MUC4: variants seen among roughly 807,000 people sequenced by gnomAD.
MUC4 encodes the protein mucin 4, cell surface associated.
A neutral mutation model predicts 257.9 loss-of-function variants in MUC4; 202 were observed. The ratio of observed to expected loss-of-function variants is 0.78; its 90% CI spans 0.70 to 0.88. MUC4 has a LOEUF of 0.88. Ranked by LOEUF, MUC4 falls within the 40% of genes least tolerant of loss-of-function variation. MUC4 has a pLI of 0.00. For synonymous variants in MUC4, 2,351 were observed against 2,757.1 expected (o/e 0.85, Z 4.62); for missense variants, 5,976 against 6,513.7 (o/e 0.92, Z 2.84).
Position 195,774,267 on chromosome 3 carries a change from G to C in MUC4, c.12982C>G (p.Leu4328Val). Residue 4328 changes from leucine (L) to valine (V), a missense_variant, in exon 4 of 25, where the codon CTG (leucine) becomes GTG (valine). Leu to Val is a conservative substitution (Grantham distance 32). Coordinates refer to ENST00000463781, the MANE Select transcript of MUC4 (RefSeq NM_018406.7). ...LFPYGAGAGD[L>V]EFVRRTVDFT... ...TCCACGGTCCTCCTGACGAACTCCAGGTCCCCGGCGCCTGCCCCATAGGGG... is the reference window on the plus strand; with the variant it reads ...TCCACGGTCCTCCTGACGAACTCCACGTCCCCGGCGCCTGCCCCATAGGGG... The C allele has an allele frequency of 6.3e-7, 1 of 1,594,036 alleles. No homozygotes were observed. The highest frequency in any genetic ancestry group is 8.5e-7 in the Non-Finnish European group (1 of 1,171,502).
At chr3:195,796,126 C>T (rs1734552050) in intron 1 of MUC4, among the ~76,000 whole-genome samples, 1 of 151,560 alleles carries the variant, frequency 6.6e-6, no homozygotes, top group African/African-American at 2.4e-5. Flanking sequence ...GCTTTGTTGC[C>T]CAGGCTGGAG....
At chr3:195,796,975 G>A (rs914995433) in intron 1 of MUC4, among the ~76,000 whole-genome samples, 1 of 152,216 alleles carries the variant, frequency 6.6e-6, no homozygotes, top group African/African-American at 2.4e-5. Context: ...GGGCGCGGCG[G>A]CTCACGCCTG....
rs373681347 is a variant in MUC4, at chr3:195,779,965, G to C, written c.11615C>G (p.Pro3872Arg). The C allele has an allele frequency of 8.3e-5, 120 of 1,443,172 alleles. 12 individuals carry two copies. The highest frequency in any genetic ancestry group is 5.1e-5 in the South Asian group (4 of 79,136). 89.4% of individuals were successfully genotyped at this position (1,443,172 alleles called of 1,614,324 possible). Reference protein sequence around the residue: ...PSSASTGHATPLPVTGLSSAS... With the variant: ...PSSASTGHATRLPVTGLSSAS... Reference sequence around the variant, plus strand: ...TGAGGAAAGGCCGGTAACAGGAAGAGGGGTGGCGTGACCTGTGGATGCTGA... The same window carrying C: ...TGAGGAAAGGCCGGTAACAGGAAGACGGGTGGCGTGACCTGTGGATGCTGA... The change falls in exon 2 of 25, where the codon CCT becomes CGT. Residue 3872 changes from proline (P) to arginine (R), a missense_variant. Coordinates refer to ENST00000463781, the MANE Select transcript of MUC4 (RefSeq NM_018406.7).
At chr3:195,772,443 T>A (rs1320667626) in intron 4 of MUC4, among the ~76,000 whole-genome samples, 7 of 134,340 alleles carry the variant, frequency 5.2e-5, no homozygotes, top group African/African-American at 1.7e-4. Flanking sequence ...CCTCCCTCCA[T>A]CGCTCAGGGG....
chr3:195,750,674 G>T (rs1716212943), intron 23 of MUC4: 2 of 587,834 alleles, frequency 3.4e-6, no homozygotes, highest in African/African-American at 1.9e-5. Flanking sequence ...CTGGCTGGGT[G>T]CTTGCTCCGT....
rs776839221 is a variant in MUC4 at position 195,782,248 on chromosome 3, G to T, written c.9332C>A (p.Ser3111Tyr). 3 of 1,529,308 alleles carry T rather than the reference G, an allele frequency of 2.0e-6. No homozygotes were observed. Among genetic ancestry groups the T allele is most frequent in the Non-Finnish European group, 2.6e-6 (3 of 1,135,742 alleles). The allele number at this position is 1,529,308 out of a possible 1,614,324, so 94.7% of individuals were successfully genotyped here. A position where few individuals can be genotyped will look rare whatever the true frequency, so the allele number is the denominator to read the frequency against. Reference protein sequence around the residue: ...DTTPLPVTSPSSASTGHTTPL... With the variant: ...DTTPLPVTSPYSASTGHTTPL... ...GGTGGTGTGACCTGTGGATGCTGAGGAAGGGCTAGTGACAGGAAGAGGCGT... is the reference window on the plus strand; with the variant it reads ...GGTGGTGTGACCTGTGGATGCTGAGTAAGGGCTAGTGACAGGAAGAGGCGT... The change falls in exon 2 of 25, where the codon TCC (serine) becomes TAC (tyrosine). Residue 3111 changes from serine to tyrosine, a missense_variant. Transcript: ENST00000463781.
chr3:195,758,593 T>A (rs1410416189), intron 17 of MUC4, among the ~76,000 whole-genome samples: 2 of 150,778 alleles, frequency 1.3e-5, no homozygotes. Context: ...AGACAGAGTC[T>A]CGCTCTGTCA....
chr3:195,766,197 G>C (rs1421503716), intron 8 of MUC4, among the ~76,000 whole-genome samples: 2 of 152,148 alleles, frequency 1.3e-5, no homozygotes, highest in Non-Finnish European at 2.9e-5. Context: ...CTGATCTCAA[G>C]TGATCCGCCC....
At chr3:195,763,407 G>A (rs1363829218) in intron 12 of MUC4, 26 bp downstream of exon 12, 1 of 1,403,638 alleles carries the variant, frequency 7.1e-7, no homozygotes, top group Non-Finnish European at 9.3e-7. Context: ...TGGAATGCAG[G>A]GAGGTTCCCG....
Position 195,810,519 on chromosome 3 carries a change from C to A in MUC4, c.82+1217G>T, listed in dbSNP as rs1259445851. ...AACATCTCCCACAGGCCTGGCATCCCTCCCCTCCCAGCTCTGTACACGGAG... is the reference window on the plus strand; with the variant it reads ...AACATCTCCCACAGGCCTGGCATCCATCCCCTCCCAGCTCTGTACACGGAG... On this transcript the variant is annotated intron_variant, in intron 1 of 24. Transcript: ENST00000463781. This position sits in a 1 kb window ranked among gnomAD's most constrained non-coding sequence, Gnocchi z 4.2. Among the ~76,000 whole-genome samples the A allele has an allele frequency of 6.6e-6, 1 of 152,232 alleles. No homozygotes were observed. The highest frequency in any genetic ancestry group is 2.4e-5 in the African/African-American group (1 of 41,472).
In MUC4 at chr3:195,787,069, G is replaced by A. The variant is rs758329829; in HGVS notation, c.4511C>T (p.Pro1504Leu). ...TGAGGAAGGGCTGGTGACATGAAGA[G>A]GAGTGACGTGACCTGTGGATGCTGA... ...TSSASTGHVT[P>L]LHVTSPSSAS... The change falls in exon 2 of 25, where the codon CCT becomes CTT. Residue 1504 changes from proline to leucine, a missense_variant. By Grantham distance (98) the Pro-to-Leu change is moderately conservative (BLOSUM62 -3). This residue lies in a region of MUC4 where 19 missense variants were observed against 83.2 expected (regional missense o/e 0.23). Transcript: ENST00000463781. 29 of 1,383,738 alleles carry A rather than the reference G, an allele frequency of 2.1e-5. No homozygotes were observed. The South Asian group carries it at 2.3e-4, about 11-fold the overall frequency. The allele number at this position is 1,383,738 out of a possible 1,614,324, so 85.7% of individuals were successfully genotyped here. A position where few individuals can be genotyped will look rare whatever the true frequency, so the allele number is the denominator to read the frequency against.
At chr3:195,799,239 G>GTGTGTGTGTGTGTGTGTGTGACAC (rs1734979969) in intron 1 of MUC4, among the ~76,000 whole-genome samples, 8 of 94,728 alleles carry the variant, frequency 8.4e-5, no homozygotes, top group African/African-American at 2.4e-4. Flanking sequence ...CTGTGTGTGT[G>GTGTGTGTGTGTGTGTGTGTGACAC]TGTGTGTGTG....
intron 4 of MUC4, among the ~76,000 whole-genome samples, chr3:195,772,027 C>G (rs1203044927): frequency 6.6e-6 from 1 of 152,202 alleles, no homozygotes; most frequent in East Asian, 1.9e-4. Context: ...TCCCTTGCGT[C>G]CTCGGGTGGT....
At position 195,762,118 on chromosome 3, in the gene MUC4, G is replaced by T. The variant is rs746714955; in HGVS notation, c.14481C>A (p.Pro4827=). The change falls in exon 14 of 25, where the codon CCC becomes CCA. Residue 4827 remains proline, a synonymous_variant. Transcript: ENST00000463781. ...NILHASASLP[P]EYQNRTEGLL... is the part of the protein sequence containing the mutation. Reference sequence around the variant, plus strand: ...GCCCCTCCGTGCGGTTCTGGTACTCGGGCGGGAGGCTGGCGGAGGCGTGGA... The same window carrying T: ...GCCCCTCCGTGCGGTTCTGGTACTCTGGCGGGAGGCTGGCGGAGGCGTGGA... The T allele has an allele frequency of 1.2e-6, 2 of 1,607,148 alleles. No homozygotes were observed. Among genetic ancestry groups the T allele is most frequent in the East Asian group, 2.2e-5 (1 of 44,768 alleles).
Position 195,789,476 on chromosome 3 carries a change from C to T in MUC4, c.2104G>A (p.Asp702Asn), listed in dbSNP as rs1261334395. 8 of 1,613,848 alleles carry T rather than the reference C, an allele frequency of 5.0e-6. No homozygotes were observed. Among genetic ancestry groups the T allele is most frequent in the Non-Finnish European group, 5.9e-6 (7 of 1,179,896 alleles). ...GTCGGGGCCTGGGTTGTGTGACCATCCCCGGTGGGAGCTGGGGCAAAGGTT... is the reference window on the plus strand; with the variant it reads ...GTCGGGGCCTGGGTTGTGTGACCATTCCCGGTGGGAGCTGGGGCAAAGGTT... ...ATTFAPAPTG[D>N]GHTTQAPTTA... Residue 702 changes from aspartate to asparagine, a missense_variant, in exon 2 of 25, where the codon GAT becomes AAT. Physicochemically the swap from Asp to Asn is conservative, Grantham distance 23 (BLOSUM62 1). Around this residue, in one of 44 missense-constraint regions of MUC4, gnomAD observed 1,583 missense variants for 1,257.4 expected, o/e 1.26. Transcript: ENST00000463781.
intron 1 of MUC4, among the ~76,000 whole-genome samples, chr3:195,799,163 G>A (rs1461993112): frequency 2.6e-5 from 4 of 151,746 alleles, no homozygotes; most frequent in Non-Finnish European, 5.9e-5. Context: ...CTCCCTGCTC[G>A]CAATTTCTCC....
At chr3:195,764,669 A>G (rs1417785989) in intron 10 of MUC4, among the ~76,000 whole-genome samples, 1 of 151,676 alleles carries the variant, frequency 6.6e-6, no homozygotes, top group Non-Finnish European at 1.5e-5. Context: ...TCTCTGTGGG[A>G]GCTGACTCTC....
intron 19 of MUC4, 166 bp from the exon 20 acceptor site, chr3:195,753,396 G>A (rs1317837839): frequency 1.6e-6 from 1 of 643,166 alleles, no homozygotes. Context: ...TTTCTCTGCA[G>A]GGCAACCCCT....
chr3:195,783,968 A>T lies in MUC4; in HGVS notation c.7612T>A (p.Ser2538Thr). 6.6e-7 allele frequency: 1 copy of T among 1,522,572 alleles called. No homozygotes were observed. Among genetic ancestry groups the T allele is most frequent in the Non-Finnish European group, 8.8e-7 (1 of 1,132,970 alleles). 94.3% of individuals were successfully genotyped at this position (1,522,572 alleles called of 1,614,324 possible). Residue 2538 changes from serine (S) to threonine (T), a missense_variant, in exon 2 of 25, where the codon TCC becomes ACC. Around this residue, in one of 44 missense-constraint regions of MUC4, gnomAD observed 135 missense variants for 114.7 expected, o/e 1.18. Transcript: ENST00000463781. ...TGAAGAGAGGTGGCGTGACGTGTGG[A>T]TAATGAGGAAGCATTGGTGACAGGA... is the stretch of plus-strand genomic sequence containing the variant. ...PLPVTNASSL[S>T]TRHATSLHVT...
Sources: allele counts gnomAD v4.1 joint callset (sites outside exome capture counted in the v4.1 genomes callset), GRCh38; gene constraint gnomAD v4.1.1; regional missense constraint gnomAD v4.1.1; non-coding constraint Gnocchi (gnomAD v3.1); transcripts MANE v1.5; gene names NCBI Gene and HGNC (gene_info 2026-07-23, HGNC 2026-07-21).